Variants in ENTPD6 observed in about 807,000 individuals in gnomAD.
The protein encoded by ENTPD6 is CD39 antigen-like 2.
In ENTPD6, 46 loss-of-function variants were observed where a neutral mutation model predicts 61.5. That is an observed-to-expected ratio of 0.75 (90% confidence interval 0.59 to 0.96). The LOEUF is 0.96. Ranked by LOEUF, ENTPD6 falls within the 40% of genes least tolerant of loss-of-function variation. The probability of loss-of-function intolerance (pLI) is 0.00; values close to 1 mark genes in which losing one functional copy is unlikely to be tolerated. For synonymous variants in ENTPD6, 252 were observed against 255.5 expected (o/e 0.99, Z 0.13); for missense variants, 612 against 629.0 (o/e 0.97, Z 0.29).
At chr20:25,214,719 A>C in intron 5 of ENTPD6, 148 bp from the exon 6 acceptor site, 1 of 632,150 alleles carries the variant, frequency 1.6e-6, no homozygotes, top group Non-Finnish European at 2.9e-6. Flanking sequence ...GTGCAGTGGT[A>C]TTTACAACTA....
chr20:25,215,094 C>T lies in ENTPD6; in HGVS notation c.673+152C>T, dbSNP rs2092243355. 6.6e-6 allele frequency: 4 copies of T among 602,746 alleles called. No homozygotes were observed. The South Asian group carries it at 8.2e-5, about 12-fold the overall frequency. The allele number at this position is 602,746 out of a possible 1,614,324, so 37.3% of individuals were successfully genotyped here. A position where few individuals can be genotyped will look rare whatever the true frequency, so the allele number is the denominator to read the frequency against. On this transcript the variant is annotated intron_variant, in intron 6 of 14. Transcript: ENST00000376652. The stretch of plus-strand genomic sequence containing the variant: ...CTCAAGTAAAGAATCATGGCTGTTA[C>T]AGCCCCGTTCTGATTCACAATTGAC...
At chr20:25,224,491 G>A (rs1014103419) in intron 13 of ENTPD6, 3 of 193,358 alleles carry the variant, frequency 1.6e-5, no homozygotes, top group Admixed American at 6.0e-5. Context: ...GGGATGTGGG[G>A]TGGAGGGCTG....
intron 11 of ENTPD6, chr20:25,222,445 TC>T (rs1260559426): frequency 5.7e-6 from 1 of 174,574 alleles, no homozygotes; most frequent in Non-Finnish European, 1.2e-5. Flanking sequence ...GGCCTCCACT[TC>T]CTTATCTATG....
chr20:25,211,303 C>G (rs1375593947), intron 4 of ENTPD6, among the ~76,000 whole-genome samples: 1 of 152,168 alleles, frequency 6.6e-6, no homozygotes, highest in Non-Finnish European at 1.5e-5. Context: ...ACAGTTAAAC[C>G]TGATTAAATT....
chr20:25,206,658 G>T (rs1418501674), intron 2 of ENTPD6, 68 bp downstream of exon 2: 22 of 1,127,522 alleles, frequency 2.0e-5, no homozygotes, highest in Non-Finnish European at 2.6e-5. Context: ...TAAATTGCCT[G>T]AATAGAAGTA....
At chr20:25,195,977 G>T (rs1054407457) in intron 1 of ENTPD6, 110 bp downstream of exon 1, 8 of 952,286 alleles carry the variant, frequency 8.4e-6, no homozygotes, top group Non-Finnish European at 1.1e-5. Flanking sequence ...GGGGTCACTC[G>T]CACCCCGGGT....
intron 4 of ENTPD6, among the ~76,000 whole-genome samples, chr20:25,211,723 A>C (rs2091972904): frequency 6.6e-6 from 1 of 152,236 alleles, no homozygotes; most frequent in South Asian, 2.1e-4. Flanking sequence ...GATAATGTCC[A>C]ATCTTTCTCT....
At position 25,208,022 on chromosome 20, in the gene ENTPD6, C is replaced by T. The variant is rs538446072; in HGVS notation, c.376+625C>T. Among the ~76,000 whole-genome samples, 33 of 152,322 alleles carry T rather than the reference C, an allele frequency of 2.2e-4. No individual in the cohort carries two copies. In the South Asian group the frequency reaches 6.0e-3, roughly 28 times the overall value. On this transcript the variant is annotated intron_variant, in intron 3 of 14. Transcript: ENST00000376652. ...GGTTCCCTGATGCCCCTCTCGTGCCCGTGACCCTGAGGTTCGCCCTCCATG... is the reference window on the plus strand; with the variant it reads ...GGTTCCCTGATGCCCCTCTCGTGCCTGTGACCCTGAGGTTCGCCCTCCATG...
At chr20:25,214,988 G>T (rs368641401) in intron 6 of ENTPD6, 46 bp downstream of exon 6, 3 of 1,302,572 alleles carry the variant, frequency 2.3e-6, no homozygotes, top group East Asian at 4.6e-5. Context: ...GTGCAGTGAG[G>T]TGGGTGGGAG....
At chr20:25,197,350 C>A in intron 1 of ENTPD6, 1 of 603,186 alleles carries the variant, frequency 1.7e-6, no homozygotes, top group Non-Finnish European at 2.1e-6. Flanking sequence ...AGGGTGGCCT[C>A]AGCAGGAGCC....
chr20:25,210,866 T>C (rs997700389), intron 4 of ENTPD6, among the ~76,000 whole-genome samples: 3 of 152,242 alleles, frequency 2.0e-5, no homozygotes, highest in Middle Eastern at 6.8e-3. Flanking sequence ...CACTTGAACA[T>C]GGGAAGCAGA....
Position 25,207,069 on chromosome 20 carries a change from C to T in ENTPD6, c.55-7C>T, listed in dbSNP as rs769205897. ...TGCTTTTCCTGCCTCTCCCCCCTTC[C>T]CACCAGCAGCCGCAGCACGGTCCTT... On this transcript the variant is annotated splice_polypyrimidine_tract_variant and splice_region_variant and intron_variant, in intron 2 of 14. Coordinates refer to ENST00000376652, the MANE Select transcript of ENTPD6 (RefSeq NM_001247.5). 6.3e-7 allele frequency: 1 copy of T among 1,593,976 alleles called. No homozygotes were observed. The highest frequency in any genetic ancestry group is 2.2e-5 in the East Asian group (1 of 44,454).
Position 25,225,913 on chromosome 20 carries a change from T to G in ENTPD6, c.*316T>G, listed in dbSNP as rs1600701323. On this transcript the variant is annotated 3_prime_UTR_variant, in exon 15 of 15. Transcript: ENST00000376652. ...TGGCTCCCTGCCTGTCCCATCCCCA[T>G]GCCCCGTCCGCGGGGCTGTGGCTGC... The G allele has an allele frequency of 1.2e-5, 3 of 252,146 alleles. No homozygotes were observed. Among genetic ancestry groups the G allele is most frequent in the Non-Finnish European group, 1.5e-5 (2 of 131,850 alleles). The allele number at this position is 252,146 out of a possible 1,614,324, so 15.6% of individuals were successfully genotyped here.
At chr20:25,197,842 A>G (rs972200539) in intron 1 of ENTPD6, among the ~76,000 whole-genome samples, 6 of 152,178 alleles carry the variant, frequency 3.9e-5, no homozygotes, top group Non-Finnish European at 2.9e-5. Flanking sequence ...TATGTAAGGT[A>G]TGTCTATGTA....
At chr20:25,197,420 A>G (rs2090565357) in intron 1 of ENTPD6, among the ~76,000 whole-genome samples, 2 of 152,004 alleles carry the variant, frequency 1.3e-5, no homozygotes, top group Admixed American at 6.6e-5. Flanking sequence ...CTCAGTCCCC[A>G]CCCGCTACCT....
chr20:25,224,982 C>A, intron 13 of ENTPD6: 1 of 609,976 alleles, frequency 1.6e-6, no homozygotes, highest in South Asian at 2.1e-5. Flanking sequence ...TAACACCAGG[C>A]GTGCAAATCC....
At chr20:25,223,964 A>G in intron 12 of ENTPD6, 137 bp from the exon 13 acceptor site, 1 of 691,554 alleles carries the variant, frequency 1.4e-6, no homozygotes, top group South Asian at 1.9e-5. Context: ...AGTGCCGCCT[A>G]CAGCTGGAGG....
intron 1 of ENTPD6, among the ~76,000 whole-genome samples, chr20:25,197,442 T>G (rs904887680): frequency 2.0e-5 from 3 of 152,184 alleles, no homozygotes; most frequent in African/African-American, 7.2e-5. Flanking sequence ...CCTTACAGCC[T>G]CATCCCACCC....
At chr20:25,203,027 G>A (rs560987653) in intron 1 of ENTPD6, among the ~76,000 whole-genome samples, 93 of 152,280 alleles carry the variant, frequency 6.1e-4, no homozygotes, top group Admixed American at 2.6e-3. Flanking sequence ...ATTTGTGAAG[G>A]ACAGTTTTGC....
Sources: gnomAD v4.1 joint callset for allele counts (sites outside exome capture counted in the v4.1 genomes callset) on GRCh38, gnomAD v4.1.1 for gene constraint, MANE v1.5 for transcripts, NCBI Gene and HGNC (gene_info 2026-07-23, HGNC 2026-07-21) for gene names.